The following GPLD1 variants were observed in gnomAD, a reference collection of about 807,000 sequenced individuals.
GPLD1 encodes the protein phosphatidylinositol-glycan-specific phospholipase D.
In GPLD1, 84 loss-of-function variants were observed where a neutral mutation model predicts 112.6. That is an observed-to-expected ratio of 0.75 (90% CI 0.63 to 0.89). The LOEUF (loss-of-function observed/expected upper bound fraction) is 0.89. Among genes scored for constraint, GPLD1 ranks in the 40% least tolerant of loss-of-function variants. The pLI, the probability that GPLD1 is intolerant of heterozygous loss-of-function variation, is 0.00. For missense variants in GPLD1, 1,044 were observed against 1,051.5 expected, an observed-to-expected ratio of 0.99 and a Z score of 0.10; for synonymous variants, 386 against 403.8, an observed-to-expected ratio of 0.96 and a Z score of 0.53.
chr6:24,487,891 T>C (rs1457043093), intron 1 of GPLD1, among the ~76,000 whole-genome samples: 1 of 152,206 alleles, frequency 6.6e-6, no homozygotes, highest in Non-Finnish European at 1.5e-5. Flanking sequence ...AACTGTCTAG[T>C]ATCAGTTTCT....
At chr6:24,481,519 C>G (rs965466863) in intron 2 of GPLD1, among the ~76,000 whole-genome samples, 9 of 152,138 alleles carry the variant, frequency 5.9e-5, no homozygotes, top group Non-Finnish European at 7.3e-5. Context: ...CACCCTCTCC[C>G]GAGGAGAGCC....
chr6:24,425,008 G>A (rs1393471438), downstream of GPLD1: 1 of 152,266 alleles, frequency 6.6e-6, no homozygotes, highest in Non-Finnish European at 1.5e-5. Context: ...GAACAGGACA[G>A]GCTGGGCTAG....
chr6:24,456,763 T>C (rs1703302946), intron 12 of GPLD1, 126 bp from the exon 13 acceptor site: 3 of 599,290 alleles, frequency 5.0e-6, no homozygotes, highest in Admixed American at 3.0e-5. Context: ...AACAATAAAA[T>C]AAAACATTAG....
intron 7 of GPLD1, among the ~76,000 whole-genome samples, chr6:24,469,205 T>C (rs1356700567): frequency 6.6e-6 from 1 of 151,104 alleles, no homozygotes; most frequent in African/African-American, 2.4e-5. Context: ...TCAACCATTG[T>C]GGAAGTCAGT....
At position 24,456,601 on chromosome 6, in the gene GPLD1, T is replaced by C. The variant is rs1763276847; in HGVS notation, c.1045A>G (p.Asn349Asp). 2 of 1,606,576 alleles carry C rather than the reference T, an allele frequency of 1.2e-6. No individual in the cohort carries two copies. Among genetic ancestry groups the C allele is most frequent in the South Asian group, 2.2e-5 (2 of 90,750 alleles). ...CCACCTATGAACATTGTCCTTATGT[T>C]CCTTTCCAAAGCCTTGTAGATAAAG... ...MSFIYKALER[N>D]IRTMFIGGSQ... Residue 349 changes from asparagine (N) to aspartate (D), a missense_variant, in exon 13 of 25, where the codon AAC becomes GAC. By Grantham distance (23) the Asn-to-Asp change is conservative. Transcript: ENST00000230036.
chr6:24,488,337 A>G (rs983170764), intron 1 of GPLD1, among the ~76,000 whole-genome samples: 3 of 151,892 alleles, frequency 2.0e-5, no homozygotes, highest in Non-Finnish European at 4.4e-5. Flanking sequence ...GTGTGAACCC[A>G]GGAGGCGGAG....
intron 10 of GPLD1, among the ~76,000 whole-genome samples, chr6:24,465,963 G>A (rs1009491036): frequency 3.9e-5 from 6 of 152,126 alleles, no homozygotes; most frequent in Admixed American, 2.0e-4. Context: ...AGTCAGGGTG[G>A]AGAGGTGTGT....
In GPLD1 at chr6:24,428,301, A is replaced by T. The variant is rs1762300618; in HGVS notation, c.*731T>A. On this transcript the variant is annotated 3_prime_UTR_variant, in exon 25 of 25. Coordinates refer to ENST00000230036, the MANE Select transcript of GPLD1 (RefSeq NM_001503.4). ...GGAAGTGCTGGTTTGTTACATACATAAAGGTGTGTCATGGGGGTTTGTTAC... is the reference window on the plus strand; with the variant it reads ...GGAAGTGCTGGTTTGTTACATACATTAAGGTGTGTCATGGGGGTTTGTTAC... 6.6e-6 allele frequency: 1 copy of T among 152,052 alleles called. No individual in the cohort carries two copies. Among genetic ancestry groups the T allele is most frequent in the South Asian group, 2.1e-4 (1 of 4,826 alleles). The allele number at this position is 152,052 out of a possible 1,614,324, so 9.4% of individuals were successfully genotyped here.
chr6:24,435,922 A>C (rs1762565346), intron 22 of GPLD1: 1 of 151,632 alleles, frequency 6.6e-6, no homozygotes, highest in African/African-American at 2.4e-5. Context: ...GAATAAACAA[A>C]GAAATGAAAC....
rs971816435 is a variant in GPLD1, at chr6:24,428,917, C to G, written c.*115G>C. 6.6e-6 allele frequency: 4 copies of G among 610,130 alleles called. No individual in the cohort carries two copies. The highest frequency in any genetic ancestry group is 1.2e-5 in the Non-Finnish European group (4 of 347,000). The allele number at this position is 610,130 out of a possible 1,614,324, so 37.8% of individuals were successfully genotyped here. On this transcript the variant is annotated 3_prime_UTR_variant, in exon 25 of 25. Coordinates refer to ENST00000230036, the MANE Select transcript of GPLD1 (RefSeq NM_001503.4). ...CTCTCTACTCCCAGGAGCCCCATGTCTATCAGGATCTACCACCGCTCCACT... is the reference window on the plus strand; with the variant it reads ...CTCTCTACTCCCAGGAGCCCCATGTGTATCAGGATCTACCACCGCTCCACT...
intron 22 of GPLD1, among the ~76,000 whole-genome samples, chr6:24,433,786 C>T (rs1356256306): frequency 2.6e-5 from 4 of 152,062 alleles, no homozygotes; most frequent in Non-Finnish European, 4.4e-5. Context: ...TGAGCCACCA[C>T]GCCCAGCCTC....
chr6:24,440,928 C>T (rs1269509069), intron 20 of GPLD1, among the ~76,000 whole-genome samples: 11 of 152,114 alleles, frequency 7.2e-5, no homozygotes, highest in Non-Finnish European at 1.5e-5. Flanking sequence ...ACAATACAGC[C>T]ATCCCTCAGT....
At chr6:24,460,534 A>C (rs992038658) in intron 11 of GPLD1, 135 bp from the exon 12 acceptor site, 16 of 852,830 alleles carry the variant, frequency 1.9e-5, no homozygotes, top group Non-Finnish European at 2.8e-5. Flanking sequence ...CTGAAGGAGC[A>C]ACACAGAAAG....
In GPLD1 at chr6:24,428,896, C is replaced by G; in HGVS notation, c.*136G>C. On this transcript the variant is annotated 3_prime_UTR_variant, in exon 25 of 25. Coordinates refer to ENST00000230036, the MANE Select transcript of GPLD1 (RefSeq NM_001503.4). ...AGGGTGTGGCTGTTAGTGTGTCTCT[C>G]TACTCCCAGGAGCCCCATGTCTATC... is the stretch of plus-strand genomic sequence containing the variant. 5.5e-6 allele frequency: 3 copies of G among 546,106 alleles called. No individual in the cohort carries two copies. The highest frequency in any genetic ancestry group is 9.9e-6 in the Non-Finnish European group (3 of 302,678). The allele number at this position is 546,106 out of a possible 1,614,324, so 33.8% of individuals were successfully genotyped here. A position where few individuals can be genotyped will look rare whatever the true frequency, so the allele number is the denominator to read the frequency against.
intron 12 of GPLD1, among the ~76,000 whole-genome samples, chr6:24,458,631 C>T (rs1395823892): frequency 6.6e-6 from 1 of 152,186 alleles, no homozygotes; most frequent in Non-Finnish European, 1.5e-5. Context: ...GTAATCCCAG[C>T]ACTTTGGGAG....
intron 20 of GPLD1, among the ~76,000 whole-genome samples, chr6:24,441,606 T>C (rs1174054186): frequency 6.6e-6 from 1 of 152,166 alleles, no homozygotes; most frequent in Non-Finnish European, 1.5e-5. Flanking sequence ...TGCTGTGGAT[T>C]AGGAAATGAG....
chr6:24,461,704 T>A lies in GPLD1; in HGVS notation c.887+1026A>T, dbSNP rs149684182. ...AATCCCCAGAGCACCTTGCATTTTT[T>A]CTTCCTAACACTTAACAATGTCCAC... On this transcript the variant is annotated intron_variant, in intron 11 of 24. Transcript: ENST00000230036. Among the ~76,000 whole-genome samples, 1,288 of 152,286 alleles carry A rather than the reference T, an allele frequency of 8.5e-3. 10 individuals are homozygous for A. The highest frequency in any genetic ancestry group is 0.046 in the South Asian group (222 of 4,820).
intron 2 of GPLD1, among the ~76,000 whole-genome samples, chr6:24,480,329 T>C (rs1764159102): frequency 6.6e-6 from 1 of 151,252 alleles, no homozygotes; most frequent in African/African-American, 2.4e-5. Flanking sequence ...GTTGCTGTTG[T>C]TGTTTGTTTG....
intron 2 of GPLD1, among the ~76,000 whole-genome samples, chr6:24,482,667 A>G (rs1764244263): frequency 6.6e-6 from 1 of 152,134 alleles, no homozygotes. Flanking sequence ...TCTGCCAAAA[A>G]CATATTTTTG....
Sources: allele counts gnomAD v4.1 joint callset (sites outside exome capture counted in the v4.1 genomes callset), GRCh38; gene constraint gnomAD v4.1.1; transcripts MANE v1.5; gene names NCBI Gene and HGNC (gene_info 2026-07-23, HGNC 2026-07-21).